Variants in UNC5C observed in about 807,000 individuals in gnomAD.
UNC5C encodes the protein unc-5 netrin receptor C.
Under a neutral mutation model 99.8 loss-of-function variants are expected in UNC5C, and 47 were observed. The ratio of observed to expected loss-of-function variants is 0.47; its 90% confidence interval spans 0.37 to 0.60. UNC5C has a LOEUF of 0.60. UNC5C is among the 20% of genes least tolerant of loss of function. UNC5C has a pLI of 0.00. For missense variants in UNC5C, 1,062 were observed against 1,165.9 expected, an observed-to-expected ratio of 0.91 and a Z score of 1.30; for synonymous variants, 487 against 452.2, an observed-to-expected ratio of 1.08 and a Z score of -0.98.
chr4:95,292,266 T>A (rs4699844), intron 3 of UNC5C, among the ~76,000 whole-genome samples: 7,398 of 57,410 alleles, frequency 0.13, 230 homozygotes, highest in South Asian at 0.28. Context: ...TATATATATA[T>A]AAATTTTTTT....
chr4:95,169,492 A>G, intron 15 of UNC5C, 93 bp from the exon 16 acceptor site: 1 of 1,424,608 alleles, frequency 7.0e-7, no homozygotes, highest in Non-Finnish European at 9.6e-7. Context: ...CTTGTCTTTA[A>G]GTTTCCTGGT....
chr4:95,256,916 G>A (rs1740020588), intron 4 of UNC5C, among the ~76,000 whole-genome samples: 1 of 151,706 alleles, frequency 6.6e-6, no homozygotes, highest in Admixed American at 6.6e-5. Flanking sequence ...GGGAGGCTAG[G>A]CCAGTCTAGA....
intron 1 of UNC5C, among the ~76,000 whole-genome samples, chr4:95,426,995 C>T (rs10004807): frequency 0.96 from 145,515 of 152,306 alleles, 69,567 homozygotes; most frequent in African/African-American, 0.98. Context: ...GTAGACAAAA[C>T]CGCCATATAT....
intron 1 of UNC5C, among the ~76,000 whole-genome samples, chr4:95,465,636 C>T (rs539805969): frequency 2.6e-5 from 4 of 151,928 alleles, no homozygotes; most frequent in East Asian, 1.9e-4. Context: ...ATATGGGGTG[C>T]GTAAAAATGA....
chr4:95,380,480 G>C (rs1397347665), intron 1 of UNC5C, among the ~76,000 whole-genome samples: 1 of 139,466 alleles, frequency 7.2e-6, no homozygotes, highest in Non-Finnish European at 1.5e-5. Flanking sequence ...AGGTCTCACT[G>C]TGTTGCCCAG....
At chr4:95,408,638 A>G (rs986075548) in intron 1 of UNC5C, among the ~76,000 whole-genome samples, 3 of 152,188 alleles carry the variant, frequency 2.0e-5, no homozygotes, top group Non-Finnish European at 4.4e-5. Context: ...AAGAGAATCA[A>G]GTTTGGCCTT....
At chr4:95,352,660 A>G (rs1744033843) in intron 1 of UNC5C, among the ~76,000 whole-genome samples, 1 of 152,248 alleles carries the variant, frequency 6.6e-6, no homozygotes, top group Admixed American at 6.5e-5. Flanking sequence ...AATCCAGACT[A>G]CAAGATCGTT....
At chr4:95,417,805 A>T (rs1295579850) in intron 1 of UNC5C, among the ~76,000 whole-genome samples, 1 of 152,184 alleles carries the variant, frequency 6.6e-6, no homozygotes, top group East Asian at 1.9e-4. Flanking sequence ...TATCATCACC[A>T]CATCAATTCT....
Position 95,250,504 on chromosome 4 carries a change from G to A in UNC5C, c.758C>T (p.Ala253Val), listed in dbSNP as rs1230847753. The change falls in exon 5 of 16, where the codon GCC becomes GTC. Residue 253 changes from alanine to valine, a missense_variant. Transcript: ENST00000453304. ...CCACTCACCATAGACTATGACAGTG[G>A]CAGTTGTACTTTTCCTCTTGGCAAC... ...NIVAKRKSTT[A>V]TVIVYVNGGW... 1.9e-6 allele frequency: 3 copies of A among 1,613,856 alleles called. No homozygotes were observed. Among genetic ancestry groups the A allele is most frequent in the Non-Finnish European group, 2.5e-6 (3 of 1,179,946 alleles).
intron 10 of UNC5C, among the ~76,000 whole-genome samples, chr4:95,210,088 C>T (rs1459354492): frequency 6.6e-6 from 1 of 152,106 alleles, no homozygotes; most frequent in Non-Finnish European, 1.5e-5. Flanking sequence ...AGGGAGAAGG[C>T]TCCCTGCTGG....
chr4:95,403,716 G>A (rs1467318648), intron 1 of UNC5C, among the ~76,000 whole-genome samples: 1 of 152,044 alleles, frequency 6.6e-6, no homozygotes, highest in Non-Finnish European at 1.5e-5. Flanking sequence ...ACAGTTCTTC[G>A]GTGCTCTGTG....
intron 1 of UNC5C, among the ~76,000 whole-genome samples, chr4:95,463,857 A>C (rs1747688405): frequency 6.6e-6 from 1 of 152,184 alleles, no homozygotes; most frequent in Non-Finnish European, 1.5e-5. Context: ...CAGTCTAGAG[A>C]GGGCAAAAGA....
At chr4:95,469,317 C>A (rs185787972) in intron 1 of UNC5C, among the ~76,000 whole-genome samples, 1 of 152,266 alleles carries the variant, frequency 6.6e-6, no homozygotes, top group African/African-American at 2.4e-5. Context: ...TAAAATCTTT[C>A]TAAAATTATC....
At chr4:95,334,552 T>C (rs1252245211) in intron 2 of UNC5C, among the ~76,000 whole-genome samples, 1 of 151,968 alleles carries the variant, frequency 6.6e-6, no homozygotes, top group African/African-American at 2.4e-5. Flanking sequence ...AAAACACGTA[T>C]GCTACCATGG....
At chr4:95,270,825 A>G (rs774497406) in intron 4 of UNC5C, among the ~76,000 whole-genome samples, 57 of 152,342 alleles carry the variant, frequency 3.7e-4, no homozygotes, top group Non-Finnish European at 5.7e-4. Context: ...TTACAGGGCA[A>G]AAGGGCAACA....
intron 1 of UNC5C, among the ~76,000 whole-genome samples, chr4:95,504,177 T>C (rs570774819): frequency 2.3e-4 from 35 of 152,160 alleles, no homozygotes; most frequent in Non-Finnish European, 3.4e-4. Context: ...TGGATGGTAA[T>C]ATAAGATGGC....
intron 4 of UNC5C, among the ~76,000 whole-genome samples, chr4:95,253,955 G>GT (rs1560754481): frequency 6.6e-6 from 1 of 152,064 alleles, no homozygotes; most frequent in East Asian, 1.9e-4. Context: ...TTTCCTTTAC[G>GT]TTTTTCTCAT....
chr4:95,385,048 T>C (rs112274222), intron 1 of UNC5C, among the ~76,000 whole-genome samples: 2 of 151,996 alleles, frequency 1.3e-5, no homozygotes, highest in Non-Finnish European at 2.9e-5. Context: ...TGGAGCTGAT[T>C]TGGAAGTGGG....
intron 1 of UNC5C, among the ~76,000 whole-genome samples, chr4:95,349,772 T>C (rs1338490753): frequency 6.6e-6 from 1 of 152,030 alleles, no homozygotes; most frequent in Non-Finnish European, 1.5e-5. Context: ...ATGTGTAACA[T>C]TTCTTTAATT....
Sources: gnomAD v4.1 joint callset for allele counts (sites outside exome capture counted in the v4.1 genomes callset) on GRCh38, gnomAD v4.1.1 for gene constraint, MANE v1.5 for transcripts, NCBI Gene and HGNC (gene_info 2026-07-23, HGNC 2026-07-21) for gene names.